RSPH14: variants seen among roughly 807,000 people sequenced by gnomAD.
RSPH14 encodes rhabdoid tumor deletion region gene 1.
In RSPH14, 20 loss-of-function variants were observed where a neutral mutation model predicts 26.7. That is an observed-to-expected ratio of 0.75 (90% CI 0.53 to 1.09). The LOEUF (loss-of-function observed/expected upper bound fraction) is 1.09, where lower values mean the gene tolerates loss of function less well. Ranked by LOEUF, RSPH14 falls within the 50% of genes least tolerant of loss-of-function variation. RSPH14 has a pLI of 0.00. For missense variants in RSPH14, 449 were observed against 457.2 expected, an observed-to-expected ratio of 0.98 and a Z score of 0.16; for synonymous variants, 177 against 189.3, an observed-to-expected ratio of 0.93 and a Z score of 0.53.
At chr22:23,173,633 T>TTG in the RSPH14 span, among the ~76,000 whole-genome samples, 692 of 128,172 alleles carry the variant, frequency 5.4e-3, 7 homozygotes, top group African/African-American at 0.021. Context: ...TTTTTTGTTT[T>TTG]TTGTTTTTTT....
intron 4 of RSPH14, among the ~76,000 whole-genome samples, chr22:23,091,143 C>T (rs2068960071): frequency 6.6e-6 from 1 of 152,202 alleles, no homozygotes; most frequent in African/African-American, 2.4e-5. Flanking sequence ...GAGGCATGGA[C>T]CTGTGCATGC....
upstream of RSPH14, chr22:23,145,650 A>T (rs762474645): frequency 1.6e-5 from 21 of 1,319,836 alleles, no homozygotes; most frequent in Non-Finnish European, 2.1e-5. Flanking sequence ...GTCCGCGCCC[A>T]CTTCCCGCCC....
At chr22:23,145,470 G>C, upstream of RSPH14, 1 of 1,609,654 alleles carries the variant, frequency 6.2e-7, no homozygotes, top group Non-Finnish European at 8.5e-7. Flanking sequence ...GGTCCCGCGT[G>C]GCTCTCGTTG....
intron 4 of RSPH14, among the ~76,000 whole-genome samples, chr22:23,105,889 G>C (rs1375481091): frequency 6.6e-6 from 1 of 152,246 alleles, no homozygotes; most frequent in African/African-American, 2.4e-5. Flanking sequence ...AGTCCTCCCA[G>C]TTGGGCAGGA....
At chr22:23,144,565 A>T (rs750736722), upstream of RSPH14, among the ~76,000 whole-genome samples, 16 of 152,162 alleles carry the variant, frequency 1.1e-4, no homozygotes, top group Non-Finnish European at 2.2e-4. Context: ...AAAAGACATT[A>T]AACAGAGCCA....
intron 4 of RSPH14, among the ~76,000 whole-genome samples, chr22:23,112,680 C>G (rs560040562): frequency 8.3e-4 from 126 of 152,300 alleles, no homozygotes; most frequent in African/African-American, 2.9e-3. Context: ...GTGGGAATGG[C>G]AAGTGCTCAA....
chr22:23,078,071 T>A (rs1375507619), intron 4 of RSPH14, among the ~76,000 whole-genome samples: 1 of 152,206 alleles, frequency 6.6e-6, no homozygotes, highest in Non-Finnish European at 1.5e-5. Flanking sequence ...CCTGTGGCCC[T>A]GTAGAGTGGC....
At chr22:23,104,652 G>A (rs1175946047) in intron 4 of RSPH14, among the ~76,000 whole-genome samples, 1 of 152,210 alleles carries the variant, frequency 6.6e-6, no homozygotes, top group African/African-American at 2.4e-5. Flanking sequence ...AGACTCCAAG[G>A]TGGAGGCTAA....
chr22:23,095,921 A>G lies in RSPH14; in HGVS notation c.422-31788T>C, dbSNP rs1276612366. 1.9e-6 allele frequency: 3 copies of G among 1,613,480 alleles called. No homozygotes were observed. In the Admixed American group the frequency reaches 5.0e-5, roughly 27 times the overall value. On this transcript the variant is annotated intron_variant, in intron 4 of 6. Transcript: ENST00000216036. Reference sequence around the variant, plus strand: ...GGAGTACAAGCCCCTCATCATCTACAATGCCATCGACTCGCTGACCCGCAT... The same window carrying G: ...GGAGTACAAGCCCCTCATCATCTACGATGCCATCGACTCGCTGACCCGCAT...
At chr22:23,098,787 G>A (rs929406836) in intron 4 of RSPH14, among the ~76,000 whole-genome samples, 4 of 152,240 alleles carry the variant, frequency 2.6e-5, no homozygotes, top group East Asian at 3.8e-4. Context: ...GATTCCTCCC[G>A]CAGGCTGGGC....
At chr22:23,172,652 CAAA>C in the RSPH14 span, among the ~76,000 whole-genome samples, 1 of 45,338 alleles carries the variant, frequency 2.2e-5, no homozygotes. Flanking sequence ...GAATCCGTCT[CAAA>C]AAAAAAAAAA....
chr22:23,123,870 C>A, intron 4 of RSPH14: 1 of 218,430 alleles, frequency 4.6e-6, no homozygotes. Context: ...GCTCGCTGCC[C>A]GAGCTCTGGC....
chr22:23,116,395 G>A (rs1438595546), intron 4 of RSPH14, among the ~76,000 whole-genome samples: 1 of 152,246 alleles, frequency 6.6e-6, no homozygotes, highest in Non-Finnish European at 1.5e-5. Context: ...CCTGTGACAG[G>A]GCACCTGAGG....
At chr22:23,125,878 G>A (rs1477769618) in intron 4 of RSPH14, among the ~76,000 whole-genome samples, 2 of 152,002 alleles carry the variant, frequency 1.3e-5, no homozygotes, top group Non-Finnish European at 2.9e-5. Flanking sequence ...CCTCAAAGCA[G>A]GACCTCAAGC....
chr22:23,135,317 CAAAAAAAA>C (rs55649510), intron 3 of RSPH14, among the ~76,000 whole-genome samples: 5 of 85,882 alleles, frequency 5.8e-5, no homozygotes, highest in South Asian at 4.6e-4. Flanking sequence ...ACTAAAAATA[CAAAAAAAA>C]AAAAAAAAAA....
rs997011865 is a variant in RSPH14, at chr22:23,104,478, G to A, written c.421+29548C>T. ...ACCCCACATCCCCTCAACCTGCATC[G>A]GCTAGGCTTGCCCAGGCCAGTGGGT... On this transcript the variant is annotated intron_variant, in intron 4 of 6. Coordinates refer to ENST00000216036, the MANE Select transcript of RSPH14 (RefSeq NM_014433.3). Among the ~76,000 whole-genome samples the A allele has an allele frequency of 7.9e-5, 12 of 152,272 alleles. No individual in the cohort carries two copies. The East Asian group carries it at 1.2e-3, about 15-fold the overall frequency.
At chr22:23,179,238 C>A in the RSPH14 span, among the ~76,000 whole-genome samples, 1 of 152,186 alleles carries the variant, frequency 6.6e-6, no homozygotes, top group Admixed American at 6.5e-5. Flanking sequence ...CACTTGGAGG[C>A]AGATGTGCTT....
At chr22:23,066,803 C>T (rs2068222325) in intron 4 of RSPH14, among the ~76,000 whole-genome samples, 1 of 152,142 alleles carries the variant, frequency 6.6e-6, no homozygotes, top group Admixed American at 6.5e-5. Context: ...CACAGAGAAT[C>T]AGCCAGATGG....
At chr22:23,067,379 G>A (rs369897596) in intron 4 of RSPH14, among the ~76,000 whole-genome samples, 12 of 152,294 alleles carry the variant, frequency 7.9e-5, no homozygotes, top group African/African-American at 2.9e-4. Context: ...CAGCCAATGA[G>A]GGCTCAGGAC....
Sources: allele counts gnomAD v4.1 joint callset (sites outside exome capture counted in the v4.1 genomes callset), GRCh38; gene constraint gnomAD v4.1.1; transcripts MANE v1.5; gene names NCBI Gene and HGNC (gene_info 2026-07-23, HGNC 2026-07-21).